The following DPYD variants were observed in gnomAD, a reference collection of about 807,000 sequenced individuals.
DPYD encodes the protein dihydropyrimidine dehydrogenase, also known as dihydropyrimidine dehydrogenase [NADP(+)].
DPYD carries 109 observed loss-of-function variants against 116.2 expected under a neutral mutation model. The observed-to-expected ratio is 0.94, with a 90% CI of 0.80 to 1.10. DPYD has a LOEUF of 1.10. Among genes scored for constraint, DPYD ranks in the 50% least tolerant of loss-of-function variants. DPYD has a pLI of 0.00. For missense variants in DPYD, 1,302 were observed against 1,254.5 expected (o/e 1.04, Z -0.57); for synonymous variants, 440 against 432.0 (o/e 1.02, Z -0.23).
At chr1:97,169,087 A>T (rs996894410) in intron 20 of DPYD, among the ~76,000 whole-genome samples, 1 of 152,020 alleles carries the variant, frequency 6.6e-6, no homozygotes, top group Non-Finnish European at 1.5e-5. Flanking sequence ...ACCTCAAGTG[A>T]TCCACCCACC....
rs112988498 is a variant in DPYD, at chr1:97,705,595, C to T, written c.484-6048G>A. Among the ~76,000 whole-genome samples the T allele has an allele frequency of 5.1e-3, 781 of 151,882 alleles. 4 individuals carry two copies. Among genetic ancestry groups the T allele is most frequent in the African/African-American group, 0.018 (730 of 41,436 alleles). ...TGTGAATAGTGCCGCAATAAACATA[C>T]GTGTGCATGTGTCTTTATAGCAGCA... is the stretch of plus-strand genomic sequence containing the variant. On this transcript the variant is annotated intron_variant, in intron 5 of 22. Coordinates refer to ENST00000370192, the MANE Select transcript of DPYD (RefSeq NM_000110.4).
At position 97,410,380 on chromosome 1, in the gene DPYD, C is replaced by G. The variant is rs566847683; in HGVS notation, c.1906-27919G>C. On this transcript the variant is annotated intron_variant, in intron 14 of 22. Coordinates refer to ENST00000370192, the MANE Select transcript of DPYD (RefSeq NM_000110.4). ...AAATGAAAATAATTTGGTTGCCATACTTATTTCATAGGACTGTTCTTAGAA... is the reference window on the plus strand; with the variant it reads ...AAATGAAAATAATTTGGTTGCCATAGTTATTTCATAGGACTGTTCTTAGAA... Among the ~76,000 whole-genome samples, 5 of 152,244 alleles carry G rather than the reference C, an allele frequency of 3.3e-5. No homozygotes were observed. The South Asian group carries it at 6.2e-4, about 19-fold the overall frequency.
intron 8 of DPYD, among the ~76,000 whole-genome samples, chr1:97,624,639 A>G (rs1357026106): frequency 6.6e-6 from 1 of 152,024 alleles, no homozygotes; most frequent in Non-Finnish European, 1.5e-5. Flanking sequence ...ATTTGAAATC[A>G]GTTTGTTGAA....
In DPYD at chr1:97,488,209, A is replaced by G. The variant is rs1031974141; in HGVS notation, c.1740+27517T>C. 2.0e-5 allele frequency among the ~76,000 whole-genome samples: 3 copies of G among 152,294 alleles called. No individual in the cohort carries two copies. The East Asian group carries it at 5.8e-4, about 29-fold the overall frequency. On this transcript the variant is annotated intron_variant, in intron 13 of 22. Coordinates refer to ENST00000370192, the MANE Select transcript of DPYD (RefSeq NM_000110.4). ...ATTACACTTGTATAAATCTATTTATACAATATTTTTGAAATTAGAAAATTT... is the reference window on the plus strand; with the variant it reads ...ATTACACTTGTATAAATCTATTTATGCAATATTTTTGAAATTAGAAAATTT...
chr1:97,591,115 T>C (rs566660194), intron 10 of DPYD, among the ~76,000 whole-genome samples: 8 of 152,314 alleles, frequency 5.3e-5, no homozygotes, highest in South Asian at 2.1e-4. Context: ...ATGGAATGTT[T>C]ATCTCCTGGA....
intron 13 of DPYD, among the ~76,000 whole-genome samples, chr1:97,481,459 G>A (rs899837961): frequency 6.6e-6 from 1 of 151,958 alleles, no homozygotes; most frequent in Non-Finnish European, 1.5e-5. Context: ...GTCTATTCTA[G>A]AGAAATTATA....
chr1:97,741,681 G>T (rs1664278614), intron 3 of DPYD, among the ~76,000 whole-genome samples: 1 of 152,056 alleles, frequency 6.6e-6, no homozygotes, highest in African/African-American at 2.4e-5. Context: ...TGGGATATGA[G>T]AATATAAAAG....
intron 8 of DPYD, among the ~76,000 whole-genome samples, chr1:97,618,377 C>CTTT (rs71758165): frequency 7.3e-6 from 1 of 136,360 alleles, no homozygotes; most frequent in Non-Finnish European, 1.6e-5. Flanking sequence ...GATTTTTTTT[C>CTTT]TTTTTTTTTT....
At chr1:97,554,802 A>AT (rs1191602170) in intron 11 of DPYD, among the ~76,000 whole-genome samples, 1 of 151,970 alleles carries the variant, frequency 6.6e-6, no homozygotes, top group African/African-American at 2.4e-5. Context: ...CACAATGAAG[A>AT]TTCATTGTTT....
At chr1:97,390,265 G>A (rs4503384) in intron 14 of DPYD, among the ~76,000 whole-genome samples, 29,161 of 151,932 alleles carry the variant, frequency 0.19, 2,972 homozygotes, top group South Asian at 0.37. Flanking sequence ...GCAAAGTGAC[G>A]GGGGTGAACA....
chr1:97,287,073 T>C (rs1256023929), intron 18 of DPYD, among the ~76,000 whole-genome samples: 1 of 152,176 alleles, frequency 6.6e-6, no homozygotes, highest in East Asian at 1.9e-4. Flanking sequence ...ACTTTTGGTC[T>C]TTGATGATGG....
chr1:97,248,580 T>C (rs1662879170), intron 18 of DPYD, among the ~76,000 whole-genome samples: 2 of 152,046 alleles, frequency 1.3e-5, no homozygotes, highest in South Asian at 2.1e-4. Context: ...AATTCACCAA[T>C]CAACTGAATA....
At chr1:97,603,908 G>GA (rs535166762) in intron 8 of DPYD, among the ~76,000 whole-genome samples, 3 of 152,118 alleles carry the variant, frequency 2.0e-5, no homozygotes, top group East Asian at 3.9e-4. Flanking sequence ...TATAGTACTG[G>GA]AAAAAAATGA....
intron 2 of DPYD, among the ~76,000 whole-genome samples, chr1:97,860,390 TA>T (rs1671058257): frequency 6.6e-6 from 1 of 152,116 alleles, no homozygotes; most frequent in African/African-American, 2.4e-5. Flanking sequence ...ATATTTGTAC[TA>T]AAAAGTATAA....
intron 2 of DPYD, among the ~76,000 whole-genome samples, chr1:97,872,520 A>G (rs1445088396): frequency 1.3e-5 from 2 of 151,978 alleles, no homozygotes; most frequent in Non-Finnish European, 2.9e-5. Context: ...GGAAATTAAG[A>G]GTTAACACTT....
At chr1:97,582,244 G>A (rs982426608) in intron 10 of DPYD, among the ~76,000 whole-genome samples, 9 of 152,340 alleles carry the variant, frequency 5.9e-5, no homozygotes, top group Middle Eastern at 3.4e-3. Context: ...ATCTGGTTTA[G>A]AGCAAATCCT....
intron 12 of DPYD, among the ~76,000 whole-genome samples, chr1:97,540,093 G>A (rs1374238587): frequency 1.3e-5 from 2 of 152,166 alleles, no homozygotes; most frequent in East Asian, 3.9e-4. Flanking sequence ...GTGGACACAA[G>A]CTGAATGTCT....
chr1:97,347,450 C>A (rs558365736), intron 16 of DPYD, among the ~76,000 whole-genome samples: 1 of 151,922 alleles, frequency 6.6e-6, no homozygotes, highest in Non-Finnish European at 1.5e-5. Flanking sequence ...TTCGGTTAAG[C>A]CAACCTGGAT....
At chr1:97,791,985 A>G (rs974228976) in intron 3 of DPYD, among the ~76,000 whole-genome samples, 8 of 152,296 alleles carry the variant, frequency 5.3e-5, no homozygotes, top group African/African-American at 1.4e-4. Context: ...TGAGAAACCA[A>G]TTACAAAAAA....
Sources: gnomAD v4.1 joint callset for allele counts (sites outside exome capture counted in the v4.1 genomes callset) on GRCh38, gnomAD v4.1.1 for gene constraint, MANE v1.5 for transcripts, NCBI Gene and HGNC (gene_info 2026-07-23, HGNC 2026-07-21) for gene names.